SCLT1: variants seen among roughly 807,000 people sequenced by gnomAD.
SCLT1 encodes sodium channel and clathrin linker 1.
A neutral mutation model predicts 112.8 loss-of-function variants in SCLT1; 78 were observed. That is an observed-to-expected ratio of 0.69 (90% CI 0.58 to 0.83). The LOEUF is 0.83. Among genes scored for constraint, SCLT1 ranks in the 40% least tolerant of loss-of-function variants. The probability of loss-of-function intolerance (pLI) is 0.00; values close to 1 mark genes in which losing one functional copy is unlikely to be tolerated. For synonymous variants in SCLT1, 257 were observed against 254.7 expected, an observed-to-expected ratio of 1.01 and a Z score of -0.09; for missense variants, 747 against 770.4, an observed-to-expected ratio of 0.97 and a Z score of 0.36.
chr4:128,972,754 T>TAAG (rs1740800344), intron 9 of SCLT1, among the ~76,000 whole-genome samples: 3 of 152,232 alleles, frequency 2.0e-5, no homozygotes, highest in Admixed American at 2.0e-4. Context: ...ACTATTCCAG[T>TAAG]AGATTCCAAA....
chr4:129,055,211 G>A (rs753384372), intron 2 of SCLT1, among the ~76,000 whole-genome samples: 87 of 152,308 alleles, frequency 5.7e-4, no homozygotes, highest in Admixed American at 9.2e-4. Flanking sequence ...AACCCTTGTT[G>A]GGAGATCTTT....
chr4:128,901,059 C>T (rs1734247767), intron 18 of SCLT1, among the ~76,000 whole-genome samples: 2 of 152,148 alleles, frequency 1.3e-5, no homozygotes, highest in African/African-American at 4.8e-5. Flanking sequence ...AATAGGTACA[C>T]TTTTACACCA....
intron 20 of SCLT1, among the ~76,000 whole-genome samples, chr4:128,888,284 G>T (rs1025795696): frequency 6.6e-6 from 1 of 151,514 alleles, no homozygotes; most frequent in Non-Finnish European, 1.5e-5. Context: ...TAGCACAAAC[G>T]TGGCTCACTG....
At chr4:128,929,092 A>G (rs1736547721) in intron 18 of SCLT1, among the ~76,000 whole-genome samples, 1 of 152,230 alleles carries the variant, frequency 6.6e-6, no homozygotes, top group African/African-American at 2.4e-5. Flanking sequence ...TGAAAGAGAT[A>G]AAACTGTTCT....
At chr4:129,025,593 T>A (rs1745981328) in intron 5 of SCLT1, among the ~76,000 whole-genome samples, 1 of 151,898 alleles carries the variant, frequency 6.6e-6, no homozygotes, top group Non-Finnish European at 1.5e-5. Context: ...CACTGCAAAA[T>A]CATGCCAAAT....
intron 17 of SCLT1, among the ~76,000 whole-genome samples, chr4:128,941,463 G>A (rs1737688017): frequency 6.6e-6 from 1 of 151,626 alleles, no homozygotes; most frequent in Non-Finnish European, 1.5e-5. Context: ...TAAGTCTTTT[G>A]GCCTTTTCTG....
At chr4:128,989,926 C>A (rs1217896575) in intron 9 of SCLT1, among the ~76,000 whole-genome samples, 2 of 145,314 alleles carry the variant, frequency 1.4e-5, no homozygotes, top group African/African-American at 2.5e-5. Context: ...TTGAATAGAC[C>A]AATAACAAAC....
At chr4:129,031,018 A>G (rs1489375486) in intron 5 of SCLT1, among the ~76,000 whole-genome samples, 1 of 151,844 alleles carries the variant, frequency 6.6e-6, no homozygotes, top group Non-Finnish European at 1.5e-5. Context: ...AGAAAACAAA[A>G]TTTCAGGCCA....
chr4:128,884,229 G>A lies in SCLT1; in HGVS notation c.*248C>T. 2.9e-6 allele frequency: 1 copy of A among 342,112 alleles called. No individual in the cohort carries two copies. Among genetic ancestry groups the A allele is most frequent in the Non-Finnish European group, 5.2e-6 (1 of 191,218 alleles). The allele number at this position is 342,112 out of a possible 1,614,324, so 21.2% of individuals were successfully genotyped here. On this transcript the variant is annotated 3_prime_UTR_variant, in exon 21 of 21. Transcript: ENST00000281142. The stretch of plus-strand genomic sequence containing the variant: ...GGAGGAATTAAAAAACAGACACATT[G>A]ATGAAGGCAATGAGTTCTTCTCAGC...
In SCLT1 at chr4:128,950,825, C is replaced by T. The variant is rs1164993043; in HGVS notation, c.1218+1944G>A. ...GTTTGAACATTTTATAATTAATTTTCTTATTTGATATAGATTAATAGCAAT... is the reference window on the plus strand; with the variant it reads ...GTTTGAACATTTTATAATTAATTTTTTTATTTGATATAGATTAATAGCAAT... On this transcript the variant is annotated intron_variant, in intron 14 of 20. Coordinates refer to ENST00000281142, the MANE Select transcript of SCLT1 (RefSeq NM_144643.4). 3.3e-5 allele frequency among the ~76,000 whole-genome samples: 5 copies of T among 152,066 alleles called. No individual in the cohort carries two copies. The East Asian group carries it at 9.6e-4, about 29-fold the overall frequency.
intron 2 of SCLT1, among the ~76,000 whole-genome samples, chr4:129,060,479 A>G (rs374390542): frequency 6.6e-5 from 10 of 152,280 alleles, no homozygotes; most frequent in Middle Eastern, 3.4e-3. Context: ...TAGTTTTCAT[A>G]GAGAAATACT....
chr4:129,075,263 T>C (rs1302757671), intron 2 of SCLT1, among the ~76,000 whole-genome samples: 1 of 152,174 alleles, frequency 6.6e-6, no homozygotes, highest in Non-Finnish European at 1.5e-5. Context: ...AAAGTACAGG[T>C]TGGCTAGCAT....
chr4:129,054,483 C>A (rs1749163273), intron 2 of SCLT1, among the ~76,000 whole-genome samples: 1 of 151,998 alleles, frequency 6.6e-6, no homozygotes, highest in Admixed American at 6.6e-5. Context: ...TGTCTCTATG[C>A]CTTATTTCAG....
intron 18 of SCLT1, among the ~76,000 whole-genome samples, chr4:128,914,849 T>A (rs1735360772): frequency 1.3e-5 from 2 of 152,140 alleles, no homozygotes; most frequent in Admixed American, 1.3e-4. Flanking sequence ...AACAAATAAT[T>A]TTCAGTATTC....
intron 9 of SCLT1, among the ~76,000 whole-genome samples, chr4:128,991,209 T>C (rs769851585): frequency 6.6e-6 from 1 of 151,904 alleles, no homozygotes; most frequent in Non-Finnish European, 1.5e-5. Context: ...CAAAACAGAA[T>C]GGTACTGGCA....
At chr4:129,018,069 C>T (rs1745143515) in intron 5 of SCLT1, among the ~76,000 whole-genome samples, 1 of 152,250 alleles carries the variant, frequency 6.6e-6, no homozygotes, top group African/African-American at 2.4e-5. Context: ...CAGCAACACC[C>T]TGCCTTAGCT....
At chr4:129,072,593 C>T (rs1437069720) in intron 2 of SCLT1, among the ~76,000 whole-genome samples, 2 of 152,036 alleles carry the variant, frequency 1.3e-5, no homozygotes, top group Admixed American at 6.6e-5. Context: ...AATTCTATTG[C>T]TGAGGTTTTC....
intron 5 of SCLT1, among the ~76,000 whole-genome samples, chr4:129,005,951 A>G (rs1743968041): frequency 6.9e-6 from 1 of 145,678 alleles, no homozygotes; most frequent in Non-Finnish European, 1.5e-5. Context: ...TCACTCACAG[A>G]TGGGAACTGA....
At chr4:129,067,300 G>A (rs1395995201) in intron 2 of SCLT1, among the ~76,000 whole-genome samples, 2 of 151,446 alleles carry the variant, frequency 1.3e-5, no homozygotes, top group Admixed American at 6.6e-5. Context: ...TTACCAACAT[G>A]GGAAGGATTA....
Sources: gnomAD v4.1 joint callset for allele counts (sites outside exome capture counted in the v4.1 genomes callset) on GRCh38, gnomAD v4.1.1 for gene constraint, MANE v1.5 for transcripts, NCBI Gene and HGNC (gene_info 2026-07-23, HGNC 2026-07-21) for gene names.